The following ACADM variants were observed in gnomAD, a reference collection of about 807,000 sequenced individuals.
ACADM encodes acyl-CoA dehydrogenase medium chain.
ACADM carries 49 observed loss-of-function variants against 58.9 expected under a neutral mutation model. That is an observed-to-expected ratio of 0.83 (90% confidence interval 0.66 to 1.06). The LOEUF is 1.06. Among genes scored for constraint, ACADM ranks in the 50% least tolerant of loss-of-function variants. The probability of loss-of-function intolerance (pLI) is 0.00; values close to 1 mark genes in which losing one functional copy is unlikely to be tolerated. For missense variants in ACADM, 496 were observed against 507.0 expected (o/e 0.98, Z 0.21); for synonymous variants, 160 against 157.7 (o/e 1.01, Z -0.11).
intron 10 of ACADM, among the ~76,000 whole-genome samples, chr1:75,759,711 G>A (rs1338298977): frequency 6.9e-6 from 1 of 145,352 alleles, no homozygotes; most frequent in African/African-American, 2.6e-5. Context: ...GCCCAGGCTG[G>A]AGTGCAATGG....
intron 7 of ACADM, chr1:75,743,491 C>G: frequency 6.2e-7 from 1 of 1,610,674 alleles, no homozygotes; most frequent in South Asian, 1.1e-5. Flanking sequence ...CACAGCCTCT[C>G]TGCCATCAAT....
intron 7 of ACADM, among the ~76,000 whole-genome samples, chr1:75,740,742 T>G (rs887585194): frequency 4.6e-5 from 7 of 152,182 alleles, no homozygotes; most frequent in African/African-American, 1.7e-4. Context: ...AAAGCCAATG[T>G]AATTTTAAGC....
intron 10 of ACADM, among the ~76,000 whole-genome samples, chr1:75,756,089 C>G (rs1342587433): frequency 2.6e-5 from 4 of 152,116 alleles, no homozygotes; most frequent in African/African-American, 9.7e-5. Flanking sequence ...CTATTTATGA[C>G]AAACCCACAG....
In ACADM at chr1:75,732,748, A is replaced by G. The variant is rs1469967408; in HGVS notation, c.216+7A>G. 3.1e-6 allele frequency: 5 copies of G among 1,611,414 alleles called. No homozygotes were observed. Among genetic ancestry groups the G allele is most frequent in the Admixed American group, 1.7e-5 (1 of 60,000 alleles). On this transcript the variant is annotated splice_region_variant and intron_variant, in intron 3 of 11. Coordinates refer to ENST00000370841, the MANE Select transcript of ACADM (RefSeq NM_000016.6). The stretch of plus-strand genomic sequence containing the variant: ...ATATGATAAAACTGGTGAAGTAGGT[A>G]TATACATTTTAAAGAGGGAAAAATC...
At chr1:75,734,757 G>A in intron 5 of ACADM, 34 bp from the exon 6 acceptor site, 1 of 1,505,258 alleles carries the variant, frequency 6.6e-7, no homozygotes, top group African/African-American at 1.4e-5. Flanking sequence ...CAATAAAAAT[G>A]ACTTGATTTT....
chr1:75,725,079 C>T (rs377490161), intron 1 of ACADM, among the ~76,000 whole-genome samples: 17 of 152,258 alleles, frequency 1.1e-4, no homozygotes, highest in African/African-American at 4.1e-4. Context: ...TTTTCTTTCT[C>T]TGGTAAACCC....
chr1:75,737,311 T>TATATATACATATAC (rs1557448511), intron 6 of ACADM, among the ~76,000 whole-genome samples: 1 of 101,308 alleles, frequency 9.9e-6, no homozygotes, highest in African/African-American at 3.7e-5. Flanking sequence ...TATATATATA[T>TATATATACATATAC]ATATATATAT....
chr1:75,745,638 A>G, intron 7 of ACADM, 168 bp from the exon 8 acceptor site: 1 of 655,070 alleles, frequency 1.5e-6, no homozygotes, highest in South Asian at 1.7e-5. Flanking sequence ...TAGCTCTTCC[A>G]TATACTAGGT....
chr1:75,746,854 C>T (rs949173784), intron 8 of ACADM, among the ~76,000 whole-genome samples: 3 of 152,096 alleles, frequency 2.0e-5, no homozygotes, highest in Non-Finnish European at 4.4e-5. Flanking sequence ...CCACCTTGGC[C>T]CCCTAAAGTG....
chr1:75,758,285 G>A (rs1486458492), intron 10 of ACADM, among the ~76,000 whole-genome samples: 1 of 152,048 alleles, frequency 6.6e-6, no homozygotes, highest in African/African-American at 2.4e-5. Context: ...TGGCCAGGCT[G>A]GTCTCAAACT....
intron 2 of ACADM, among the ~76,000 whole-genome samples, chr1:75,729,767 T>C (rs1044276173): frequency 1.8e-4 from 27 of 152,046 alleles, no homozygotes; most frequent in African/African-American, 5.8e-4. Context: ...GTGCTGGGAT[T>C]ACAGGCATGA....
At chr1:75,729,177 A>AT (rs1012710065) in intron 2 of ACADM, among the ~76,000 whole-genome samples, 37 of 136,470 alleles carry the variant, frequency 2.7e-4, no homozygotes, top group African/African-American at 9.3e-4. Flanking sequence ...CTCCAGAGTT[A>AT]TTTTTTTTAT....
At chr1:75,742,799 C>T (rs1485524368) in intron 7 of ACADM, among the ~76,000 whole-genome samples, 2 of 152,182 alleles carry the variant, frequency 1.3e-5, no homozygotes, top group East Asian at 3.9e-4. Context: ...GGAACCTCTG[C>T]TCTCTCCTCC....
chr1:75,759,018 C>T (rs1227002523), intron 10 of ACADM, among the ~76,000 whole-genome samples: 1 of 152,190 alleles, frequency 6.6e-6, no homozygotes. Flanking sequence ...ACACTTGCCA[C>T]GGAGGTCCGC....
intron 9 of ACADM, 85 bp from the exon 10 acceptor site, chr1:75,750,366 C>T (rs531937117): frequency 8.9e-7 from 1 of 1,124,562 alleles, no homozygotes; most frequent in African/African-American, 1.5e-5. Context: ...TCTCTTTGTA[C>T]ACTCCCTAAC....
intron 2 of ACADM, among the ~76,000 whole-genome samples, chr1:75,731,278 C>CAAAA (rs56885972): frequency 6.2e-5 from 4 of 64,930 alleles, no homozygotes; most frequent in East Asian, 6.3e-4. Flanking sequence ...GACTCCGTCT[C>CAAAA]AAAAAAAAAA....
chr1:75,749,523 A>C lies in ACADM; in HGVS notation c.813A>C (p.Lys271Asn), dbSNP rs1648083262. Reference protein sequence around the residue: ...NVLIGDGAGFKVAMGAFDKTR... With the variant: ...NVLIGDGAGFNVAMGAFDKTR... ...TAATTGGTGACGGAGCTGGTTTCAA[A>C]GTTGCAATGGGAGCTTTTGATAAAA... The change falls in exon 9 of 12, where the codon AAA (lysine) becomes AAC (asparagine). Residue 271 changes from lysine to asparagine, a missense_variant. Physicochemically the swap from Lys to Asn is moderately conservative, Grantham distance 94. Coordinates refer to ENST00000370841, the MANE Select transcript of ACADM (RefSeq NM_000016.6). The C allele has an allele frequency of 6.2e-7, 1 of 1,614,112 alleles. No individual in the cohort carries two copies. Among genetic ancestry groups the C allele is most frequent in the Non-Finnish European group, 8.5e-7 (1 of 1,179,986 alleles).
chr1:75,734,085 A>G (rs1340104049), intron 5 of ACADM, among the ~76,000 whole-genome samples: 1 of 151,982 alleles, frequency 6.6e-6, no homozygotes, highest in Non-Finnish European at 1.5e-5. Flanking sequence ...TCCTGGGTTC[A>G]AGCAATTCTC....
intron 8 of ACADM, 89 bp from the exon 9 acceptor site, chr1:75,749,330 A>T: frequency 7.4e-7 from 1 of 1,350,424 alleles, no homozygotes; most frequent in Non-Finnish European, 1.0e-6. Flanking sequence ...TGTTTTAGGT[A>T]ATTGCAGAAA....
Sources: gnomAD v4.1 joint callset for allele counts (sites outside exome capture counted in the v4.1 genomes callset) on GRCh38, gnomAD v4.1.1 for gene constraint, MANE v1.5 for transcripts, NCBI Gene and HGNC (gene_info 2026-07-23, HGNC 2026-07-21) for gene names.